Variants in NEBL observed in about 807,000 individuals in gnomAD.
NEBL encodes nebulette.
In NEBL, 122 loss-of-function variants were observed where a neutral mutation model predicts 140.2. That is an observed-to-expected ratio of 0.87 (90% CI 0.75 to 1.01). NEBL has a LOEUF of 1.01. Ranked by LOEUF, NEBL falls within the 50% of genes least tolerant of loss-of-function variation. NEBL has a pLI of 0.00. For missense variants in NEBL, 1,365 were observed against 1,231.3 expected, an observed-to-expected ratio of 1.11 and a Z score of -1.62; for synonymous variants, 436 against 398.9, an observed-to-expected ratio of 1.09 and a Z score of -1.11.
intron 2 of NEBL, among the ~76,000 whole-genome samples, chr10:21,137,578 G>A (rs1217656769): frequency 6.6e-6 from 1 of 152,120 alleles, no homozygotes; most frequent in African/African-American, 2.4e-5. Flanking sequence ...TCAAGGTCTT[G>A]GTCACTGAGG....
At chr10:21,052,357 C>A (rs1029711503) in intron 2 of NEBL, among the ~76,000 whole-genome samples, 70 of 152,208 alleles carry the variant, frequency 4.6e-4, no homozygotes, top group Admixed American at 4.5e-3. Flanking sequence ...AGAAGCTAAG[C>A]TTTCCACCTC....
intron 4 of NEBL, among the ~76,000 whole-genome samples, chr10:20,947,176 T>G: frequency 6.6e-6 from 1 of 152,200 alleles, no homozygotes. Context: ...GATGTGAGTT[T>G]CAAAGAGTCA....
At chr10:20,908,637 G>T (rs1367407701) in intron 4 of NEBL, among the ~76,000 whole-genome samples, 2 of 152,066 alleles carry the variant, frequency 1.3e-5, no homozygotes, top group African/African-American at 4.8e-5. Flanking sequence ...TTTTAATTAA[G>T]AAATAAATTT....
At chr10:20,814,103 A>T in intron 22 of NEBL, 60 bp from the exon 23 acceptor site, 1 of 1,050,972 alleles carries the variant, frequency 9.5e-7, no homozygotes, top group Non-Finnish European at 1.5e-6. Flanking sequence ...TAACATTTTT[A>T]AGCTTTACAA....
At chr10:20,970,483 A>G (rs1362343491) in intron 3 of NEBL, among the ~76,000 whole-genome samples, 1 of 151,520 alleles carries the variant, frequency 6.6e-6, no homozygotes, top group African/African-American at 2.4e-5. Context: ...TGCTCCCCCC[A>G]CCAAAAAAAA....
chr10:21,237,673 G>A (rs1407011916), intron 3 of NEBL, among the ~76,000 whole-genome samples: 1 of 146,406 alleles, frequency 6.8e-6, no homozygotes, highest in East Asian at 2.1e-4. Context: ...GTAGCACCAT[G>A]TCAGCTCACT....
intron 1 of NEBL, among the ~76,000 whole-genome samples, chr10:21,257,411 A>G (rs1842672148): frequency 6.6e-6 from 1 of 152,212 alleles, no homozygotes; most frequent in South Asian, 2.1e-4. Context: ...CAGTGGAGAT[A>G]ATGATAAGAA....
intron 10 of NEBL, among the ~76,000 whole-genome samples, chr10:20,852,324 A>C (rs1842623832): frequency 6.6e-6 from 1 of 152,292 alleles, no homozygotes; most frequent in South Asian, 2.1e-4. Flanking sequence ...GTTATTTTAC[A>C]AAATGCCTTT....
Position 20,785,888 on chromosome 10 carries a change from C to G in NEBL, c.2904G>C (p.Gln968His), listed in dbSNP as rs767652139. 6.2e-7 allele frequency: 1 copy of G among 1,614,014 alleles called. No individual in the cohort carries two copies. The highest frequency in any genetic ancestry group is 1.1e-5 in the South Asian group (1 of 91,082). ...CTCTAAAGGAGACCTCGTCTTCATC[C>G]TGGGCACTGTAATCGTACATGGCTC... ...TYRAMYDYSA[Q>H]DEDEVSFRDG... is the part of the protein sequence containing the mutation. The change falls in exon 28 of 28, where the codon CAG becomes CAC. Residue 968 changes from glutamine (Q) to histidine (H), a missense_variant. By Grantham distance (24) the Gln-to-His change is conservative. Coordinates refer to ENST00000377122, the MANE Select transcript of NEBL (RefSeq NM_006393.3).
At chr10:21,201,603 C>T (rs1387996675) in intron 3 of NEBL, among the ~76,000 whole-genome samples, 2 of 152,120 alleles carry the variant, frequency 1.3e-5, no homozygotes, top group African/African-American at 4.8e-5. Flanking sequence ...AAAATTACAA[C>T]ATATTTCAAA....
At chr10:20,813,461 G>A in intron 23 of NEBL, among the ~76,000 whole-genome samples, 1 of 152,034 alleles carries the variant, frequency 6.6e-6, no homozygotes, top group Admixed American at 6.6e-5. Flanking sequence ...ATTAGGTCCA[G>A]GAGATAGTTG....
At chr10:21,264,744 G>A (rs1842779133) in intron 1 of NEBL, among the ~76,000 whole-genome samples, 1 of 133,232 alleles carries the variant, frequency 7.5e-6, no homozygotes, top group Admixed American at 7.8e-5. Context: ...GCCTTACACT[G>A]GGTAATTTGT....
chr10:20,862,770 C>T (rs1285826901), intron 7 of NEBL, among the ~76,000 whole-genome samples: 2 of 152,158 alleles, frequency 1.3e-5, no homozygotes, highest in African/African-American at 4.8e-5. Context: ...CTTATACCTA[C>T]ATAATTATTC....
At chr10:21,152,033 T>C (rs988000626) in intron 2 of NEBL, among the ~76,000 whole-genome samples, 2 of 152,184 alleles carry the variant, frequency 1.3e-5, no homozygotes, top group Admixed American at 6.5e-5. Context: ...ACAGGCTCTT[T>C]CAATATTAAG....
intron 2 of NEBL, chr10:21,029,701 C>G (rs1833697547): frequency 1.0e-6 from 1 of 953,350 alleles, no homozygotes; most frequent in Non-Finnish European, 1.7e-6. Context: ...CCAGTCTGGC[C>G]GTGGGTATTG....
chr10:21,063,045 G>A (rs563157747), intron 2 of NEBL, among the ~76,000 whole-genome samples: 37 of 152,126 alleles, frequency 2.4e-4, no homozygotes, highest in Non-Finnish European at 4.0e-4. Context: ...GGTTGCAGGG[G>A]TTGGGGGTTG....
chr10:21,188,021 C>G (rs1366743705), intron 3 of NEBL, among the ~76,000 whole-genome samples: 6 of 152,002 alleles, frequency 3.9e-5, no homozygotes, highest in African/African-American at 9.7e-5. Flanking sequence ...CTTCACGGAG[C>G]CTTCATCAAT....
chr10:21,162,879 A>C (rs2132158177), intron 2 of NEBL, among the ~76,000 whole-genome samples: 1 of 152,388 alleles, frequency 6.6e-6, no homozygotes, highest in East Asian at 1.9e-4. Flanking sequence ...AGAGGGCATA[A>C]GAACAGCATG....
chr10:20,820,075 A>T (rs1475328300), intron 19 of NEBL, among the ~76,000 whole-genome samples: 1 of 152,170 alleles, frequency 6.6e-6, no homozygotes, highest in Non-Finnish European at 1.5e-5. Flanking sequence ...TTTTATATTT[A>T]AAAATAATAA....
Sources: gnomAD v4.1 joint callset for allele counts (sites outside exome capture counted in the v4.1 genomes callset) on GRCh38, gnomAD v4.1.1 for gene constraint, MANE v1.5 for transcripts, NCBI Gene and HGNC (gene_info 2026-07-23, HGNC 2026-07-21) for gene names.